KCNC2: variants seen among roughly 807,000 people sequenced by gnomAD.
KCNC2 encodes potassium voltage-gated channel subfamily C member 2, also known as voltage-gated potassium channel KCNC2.
KCNC2 carries 21 observed loss-of-function variants against 44.5 expected under a neutral mutation model. The observed-to-expected ratio is 0.47, with a 90% CI of 0.33 to 0.68. KCNC2 has a LOEUF of 0.68. Ranked by LOEUF, KCNC2 falls within the 30% of genes least tolerant of loss-of-function variation. The pLI, the probability that KCNC2 is intolerant of heterozygous loss-of-function variation, is 0.01. For synonymous variants in KCNC2, 391 were observed against 339.1 expected, an observed-to-expected ratio of 1.15 and a Z score of -1.68; for missense variants, 589 against 826.2, an observed-to-expected ratio of 0.71 and a Z score of 3.52.
rs1296960962 is a variant in KCNC2, at chr12:75,207,446, C to CTT, written c.537_538insAA (p.Gly180LysfsTer104). 1 of 1,609,616 alleles carries CTT rather than the reference C, an allele frequency of 6.2e-7. No individual in the cohort carries two copies. The highest frequency in any genetic ancestry group is 8.5e-7 in the Non-Finnish European group (1 of 1,178,360). ...TTGGCCGCCAGGTCCTCGTCGTCGCCGGGGTCGCCGCCAATGAGGTCGGGG... is the reference window on the plus strand; with the variant it reads ...TTGGCCGCCAGGTCCTCGTCGTCGCCTTGGGGTCGCCGCCAATGAGGTCGGGG... On this transcript the variant is annotated frameshift_variant, in exon 2 of 5. Coordinates refer to ENST00000549446, the MANE Select transcript of KCNC2 (RefSeq NM_139137.4). LOFTEE classifies it high-confidence loss of function. This position sits in a 1 kb window ranked among gnomAD's most constrained non-coding sequence, Gnocchi z 4.1.
At chr12:75,057,323 T>G (rs761472018) in intron 2 of KCNC2, among the ~76,000 whole-genome samples, 7 of 152,006 alleles carry the variant, frequency 4.6e-5, no homozygotes, top group Admixed American at 1.3e-4. Context: ...TTGGTCTCTA[T>G]AGAGAGAAAA....
chr12:75,196,705 A>T lies in KCNC2; in HGVS notation c.687+10592T>A, dbSNP rs377459372. Among the ~76,000 whole-genome samples, 9 of 152,226 alleles carry T rather than the reference A, an allele frequency of 5.9e-5. No homozygotes were observed. The South Asian group carries it at 1.7e-3, about 28-fold the overall frequency. ...TTTAGCGTATTCAGTCAAGTCCTTA[A>T]CACTAATACACTAATTAGCTTCCAT... On this transcript the variant is annotated intron_variant, in intron 2 of 4. Coordinates refer to ENST00000549446, the MANE Select transcript of KCNC2 (RefSeq NM_139137.4).
chr12:75,128,228 T>C (rs901203154), intron 2 of KCNC2, among the ~76,000 whole-genome samples: 2 of 152,118 alleles, frequency 1.3e-5, no homozygotes, highest in Non-Finnish European at 1.5e-5. Context: ...AGTGTAAAAA[T>C]TGGAGGTGTA....
At chr12:75,189,326 G>A (rs533447656) in intron 2 of KCNC2, among the ~76,000 whole-genome samples, 1 of 152,280 alleles carries the variant, frequency 6.6e-6, no homozygotes, top group African/African-American at 2.4e-5. Context: ...GTGTAACAGA[G>A]GACAAGGGGT....
chr12:75,138,041 C>A (rs1464345792), intron 2 of KCNC2, among the ~76,000 whole-genome samples: 1 of 152,200 alleles, frequency 6.6e-6, no homozygotes, highest in Admixed American at 6.5e-5. Flanking sequence ...TCAACAGTTA[C>A]CCATGCTGTG....
intron 2 of KCNC2, among the ~76,000 whole-genome samples, chr12:75,068,584 T>C (rs1883066867): frequency 1.3e-5 from 2 of 152,188 alleles, no homozygotes; most frequent in South Asian, 4.1e-4. Flanking sequence ...GGTGTCTTAT[T>C]CCTATAGGAA....
In KCNC2 at chr12:75,041,556, C is replaced by G. The variant is rs1013810668; in HGVS notation, c.*1549G>C. On this transcript the variant is annotated 3_prime_UTR_variant, in exon 5 of 5. Transcript: ENST00000549446. Reference sequence around the variant, plus strand: ...CTATTTATATTACGGTCTTTTTCTTCCCTCACATGCTCAATACATGAGACA... The same window carrying G: ...CTATTTATATTACGGTCTTTTTCTTGCCTCACATGCTCAATACATGAGACA... 3 of 1,110,462 alleles carry G rather than the reference C, an allele frequency of 2.7e-6. No individual in the cohort carries two copies. The highest frequency in any genetic ancestry group is 3.2e-5 in the African/African-American group (2 of 61,616). The allele number at this position is 1,110,462 out of a possible 1,614,324, so 68.8% of individuals were successfully genotyped here.
At chr12:75,119,078 A>G (rs1887870300) in intron 2 of KCNC2, among the ~76,000 whole-genome samples, 1 of 152,134 alleles carries the variant, frequency 6.6e-6, no homozygotes, top group African/African-American at 2.4e-5. Flanking sequence ...AAAACAACGA[A>G]CCAATTAATT....
chr12:75,198,197 A>T lies in KCNC2; in HGVS notation c.687+9100T>A, dbSNP rs1428590080. On this transcript the variant is annotated intron_variant, in intron 2 of 4. Coordinates refer to ENST00000549446, the MANE Select transcript of KCNC2 (RefSeq NM_139137.4). ...TTCTAGCATTGCATTCTAAGTATCAAATTACAGTCAACATTATGTGCCTGG... is the reference window on the plus strand; with the variant it reads ...TTCTAGCATTGCATTCTAAGTATCATATTACAGTCAACATTATGTGCCTGG... Among the ~76,000 whole-genome samples the T allele has an allele frequency of 2.0e-5, 3 of 151,884 alleles. No individual in the cohort carries two copies. The East Asian group carries it at 5.8e-4, about 29-fold the overall frequency.
At chr12:75,111,420 T>C (rs1887231544) in intron 2 of KCNC2, among the ~76,000 whole-genome samples, 1 of 152,128 alleles carries the variant, frequency 6.6e-6, no homozygotes, top group Non-Finnish European at 1.5e-5. Context: ...GGTTACCAGT[T>C]ACAAACGGTA....
chr12:75,082,071 C>A (rs767529165), intron 2 of KCNC2, among the ~76,000 whole-genome samples: 17 of 151,938 alleles, frequency 1.1e-4, no homozygotes, highest in Non-Finnish European at 2.4e-4. Flanking sequence ...AAAAGAGGCA[C>A]AATAGTACGT....
intron 2 of KCNC2, among the ~76,000 whole-genome samples, chr12:75,092,452 C>G (rs968540885): frequency 6.6e-6 from 1 of 151,534 alleles, no homozygotes; most frequent in Non-Finnish European, 1.5e-5. Context: ...GTAAAAATAG[C>G]TTAATCAGTG....
intron 2 of KCNC2, among the ~76,000 whole-genome samples, chr12:75,052,512 G>A (rs778297754): frequency 6.6e-6 from 1 of 152,076 alleles, no homozygotes; most frequent in Non-Finnish European, 1.5e-5. Flanking sequence ...TAACACTCAG[G>A]TTTAGCATGC....
At chr12:75,205,338 G>A (rs2031599078) in intron 2 of KCNC2, among the ~76,000 whole-genome samples, 1 of 151,400 alleles carries the variant, frequency 6.6e-6, no homozygotes, top group Admixed American at 6.6e-5. Flanking sequence ...ATGATTCTTA[G>A]CTGATTCTGC....
chr12:75,107,959 G>A lies in KCNC2; in HGVS notation c.688-56642C>T, dbSNP rs2137218634. Among the ~76,000 whole-genome samples the A allele has an allele frequency of 1.3e-5, 2 of 152,066 alleles. 1 individual carries two copies. The highest frequency in any genetic ancestry group is 1.3e-4 in the Admixed American group (2 of 15,274). ...ATTATAAAAGACTTTTAAAAAAGAG[G>A]GAAAGGGAAAAGGAAAGAAAACAAG... On this transcript the variant is annotated intron_variant, in intron 2 of 4. Transcript: ENST00000549446.
chr12:75,074,930 G>T (rs1383089689), intron 2 of KCNC2, among the ~76,000 whole-genome samples: 1 of 152,120 alleles, frequency 6.6e-6, no homozygotes, highest in South Asian at 2.1e-4. Flanking sequence ...GAGCTTACTT[G>T]AATCAAACTT....
At chr12:75,201,060 G>A (rs1054128081) in intron 2 of KCNC2, among the ~76,000 whole-genome samples, 2 of 151,386 alleles carry the variant, frequency 1.3e-5, no homozygotes, top group Admixed American at 6.6e-5. Flanking sequence ...TTAGACCTAA[G>A]AAATGACAGA....
At position 75,093,066 on chromosome 12, in the gene KCNC2, A is replaced by T. The variant is rs1473250441; in HGVS notation, c.688-41749T>A. Among the ~76,000 whole-genome samples, 3 of 151,016 alleles carry T rather than the reference A, an allele frequency of 2.0e-5. No homozygotes were observed. In the East Asian group the frequency reaches 5.8e-4, roughly 29 times the overall value. ...AGCTATCTGTTTCTTCTATATCTAA[A>T]ACCTTCCAAGGAAATGAGGGTGGAG... On this transcript the variant is annotated intron_variant, in intron 2 of 4. Transcript: ENST00000549446.
At position 75,209,276 on chromosome 12, in the gene KCNC2, A is replaced by G. The variant is rs955522892; in HGVS notation, c.-89T>C. ...TGGACGAGGTTCTCTGGGCAGCGGGACTGAGTCTTGGCGCCCAGGTGAGCC... is the reference window on the plus strand; with the variant it reads ...TGGACGAGGTTCTCTGGGCAGCGGGGCTGAGTCTTGGCGCCCAGGTGAGCC... On this transcript the variant is annotated 5_prime_UTR_variant, in exon 1 of 5. Coordinates refer to ENST00000549446, the MANE Select transcript of KCNC2 (RefSeq NM_139137.4). 2 of 151,774 alleles carry G rather than the reference A, an allele frequency of 1.3e-5. No homozygotes were observed. Among genetic ancestry groups the G allele is most frequent in the African/African-American group, 4.9e-5 (2 of 41,234 alleles). The allele number at this position is 151,774 out of a possible 1,614,324, so 9.4% of individuals were successfully genotyped here. A position where few individuals can be genotyped will look rare whatever the true frequency, so the allele number is the denominator to read the frequency against.
Sources: allele counts gnomAD v4.1 joint callset (sites outside exome capture counted in the v4.1 genomes callset), GRCh38; gene constraint gnomAD v4.1.1; non-coding constraint Gnocchi (gnomAD v3.1); transcripts MANE v1.5; gene names NCBI Gene and HGNC (gene_info 2026-07-23, HGNC 2026-07-21).